STON2: variants seen among roughly 807,000 people sequenced by gnomAD.
STON2 encodes stonin-2.
A neutral mutation model predicts 65.7 loss-of-function variants in STON2; 29 were observed. The observed-to-expected ratio is 0.44, with a 90% CI of 0.33 to 0.60. The LOEUF is 0.60. Ranked by LOEUF, STON2 falls within the 20% of genes least tolerant of loss-of-function variation. STON2 has a pLI of 0.03. For missense variants in STON2, 1,054 were observed against 1,118.1 expected (o/e 0.94, Z 0.82); for synonymous variants, 404 against 414.2 (o/e 0.98, Z 0.30).
intron 4 of STON2, among the ~76,000 whole-genome samples, chr14:81,365,705 G>A (rs181102267): frequency 4.6e-5 from 7 of 152,234 alleles, no homozygotes; most frequent in East Asian, 1.9e-4. Flanking sequence ...GCAGTGAGCC[G>A]AGACCATGCC....
intron 4 of STON2, among the ~76,000 whole-genome samples, chr14:81,327,323 AT>A (rs1292244283): frequency 6.6e-6 from 1 of 151,610 alleles, no homozygotes; most frequent in Admixed American, 6.6e-5. Flanking sequence ...TTCCATCTTT[AT>A]TTTTCTTCCT....
At chr14:81,423,264 T>C (rs1285422248) in intron 2 of STON2, among the ~76,000 whole-genome samples, 3 of 152,156 alleles carry the variant, frequency 2.0e-5, no homozygotes, top group South Asian at 2.1e-4. Context: ...AACTGGTTCT[T>C]AGCCTTTAAA....
At position 81,276,923 on chromosome 14, in the gene STON2, G is replaced by T; in HGVS notation, c.2559C>A (p.Asn853Lys). The T allele has an allele frequency of 6.2e-7, 1 of 1,612,212 alleles. No homozygotes were observed. Among genetic ancestry groups the T allele is most frequent in the Non-Finnish European group, 8.5e-7 (1 of 1,178,480 alleles). Residue 853 changes from asparagine to lysine, a missense_variant, in exon 6 of 8, where the codon AAC (asparagine) becomes AAA (lysine). Coordinates refer to ENST00000614646, the MANE Select transcript of STON2 (RefSeq NM_001394390.1). Reference protein sequence around the residue: ...HAFNSIVWRINRLPDKNSASG... With the variant: ...HAFNSIVWRIKRLPDKNSASG... ...CACCTGAGTTTTTGTCCGGCAGTCG[G>T]TTTATCCTCCACACAATGGAGTTGA...
At chr14:81,393,625 T>C (rs1900181749) in intron 3 of STON2, among the ~76,000 whole-genome samples, 1 of 152,282 alleles carries the variant, frequency 6.6e-6, no homozygotes, top group African/African-American at 2.4e-5. Context: ...CCTCATACAA[T>C]TGTTGTAAGG....
chr14:81,426,652 T>G (rs1901988799), intron 2 of STON2, among the ~76,000 whole-genome samples: 1 of 152,210 alleles, frequency 6.6e-6, no homozygotes, highest in African/African-American at 2.4e-5. Flanking sequence ...GATGGCACTC[T>G]ACCCCTCCAG....
intron 2 of STON2, among the ~76,000 whole-genome samples, chr14:81,415,014 C>T (rs915655026): frequency 6.6e-6 from 1 of 151,980 alleles, no homozygotes; most frequent in Non-Finnish European, 1.5e-5. Context: ...AAGTCAGGTG[C>T]TTTGGAGACT....
At chr14:81,408,540 T>G (rs1900989332) in intron 2 of STON2, among the ~76,000 whole-genome samples, 1 of 152,258 alleles carries the variant, frequency 6.6e-6, no homozygotes, top group Admixed American at 6.5e-5. Context: ...AAAGTCATAT[T>G]ACTTGTGTGT....
rs1894542934 is a variant in STON2 at position 81,270,692 on chromosome 14, T to A, written c.2762A>T (p.Tyr921Phe). 6.2e-7 allele frequency: 1 copy of A among 1,614,042 alleles called. No individual in the cohort carries two copies. The highest frequency in any genetic ancestry group is 8.5e-7 in the Non-Finnish European group (1 of 1,180,048). ...TACCTGGTAGCTGTAGTGTGCAGAA[T>A]AATTGACCCACTTCCTGACGTCAGT... ...DKTDVRKWVN[Y>F]SAHYSYQVEI... Residue 921 changes from tyrosine (Y) to phenylalanine (F), a missense_variant, in exon 7 of 8, where the codon TAT (tyrosine) becomes TTT (phenylalanine). Coordinates refer to ENST00000614646, the MANE Select transcript of STON2 (RefSeq NM_001394390.1).
At position 81,371,092 on chromosome 14, in the gene STON2, G is replaced by C; in HGVS notation, c.467C>G (p.Ser156Cys). 6.2e-7 allele frequency: 1 copy of C among 1,614,142 alleles called. No homozygotes were observed. Among genetic ancestry groups the C allele is most frequent in the South Asian group, 1.1e-5 (1 of 91,080 alleles). The part of the protein sequence containing the change: ...LTSESSWTTH[S>C]EDTSSPSFGC... ...AAAGCTAGGACTGCTGGTGTCTTCA[G>C]AATGGGTGGTCCAGCTGCTCTCAGA... The change falls in exon 4 of 8, where the codon TCT becomes TGT. Residue 156 changes from serine to cysteine, a missense_variant. By Grantham distance (112) the Ser-to-Cys change is moderately radical. Transcript: ENST00000614646.
chr14:81,373,971 C>T (rs756422), intron 3 of STON2, among the ~76,000 whole-genome samples: 38 of 124,608 alleles, frequency 3.0e-4, no homozygotes, highest in African/African-American at 1.1e-3. Context: ...CCTCATGTAT[C>T]TAGGAAAAGC....
At chr14:81,279,382 T>C (rs1031538755) in intron 5 of STON2, among the ~76,000 whole-genome samples, 1 of 152,068 alleles carries the variant, frequency 6.6e-6, no homozygotes, top group Non-Finnish European at 1.5e-5. Context: ...GTGAAAAATA[T>C]CGAATCTCAC....
Position 81,405,460 on chromosome 14 carries a change from G to GTTTTTTTTTT in STON2, c.-198-6890_-198-6881dup, listed in dbSNP as rs376505307. ...AGACCATTTGGGATTAGTTACTATT[G>GTTTTTTTTTT]TTTTTTTTTTTTTTTTGCTTGACTA... On this transcript the variant is annotated intron_variant, in intron 2 of 8. Coordinates refer to the STON2 transcript ENST00000553821. 7.0e-3 allele frequency among the ~76,000 whole-genome samples: 443 copies of GTTTTTTTTTT among 63,228 alleles called. 13 individuals carry two copies. The highest frequency in any genetic ancestry group is 0.021 in the African/African-American group (415 of 19,498). The allele number at this position is 63,228 out of a possible 152,430, so 41.5% of individuals were successfully genotyped here.
chr14:81,265,629 G>T lies in STON2; in HGVS notation c.*2785C>A. Reference sequence around the variant, plus strand: ...CATTGCACTCCAGCCTGGGCGACAAGAGCGAAACTTTGTCTCAGTAATAAT... The same window carrying T: ...CATTGCACTCCAGCCTGGGCGACAATAGCGAAACTTTGTCTCAGTAATAAT... On this transcript the variant is annotated 3_prime_UTR_variant, in exon 8 of 8. Coordinates refer to ENST00000614646, the MANE Select transcript of STON2 (RefSeq NM_001394390.1). 2.6e-6 allele frequency: 1 copy of T among 387,590 alleles called. No individual in the cohort carries two copies. Among genetic ancestry groups the T allele is most frequent in the Non-Finnish European group, 3.5e-6 (1 of 289,636 alleles). 24.0% of individuals were successfully genotyped at this position (387,590 alleles called of 1,614,324 possible). A position where few individuals can be genotyped will look rare whatever the true frequency, so the allele number is the denominator to read the frequency against.
At chr14:81,346,854 C>T (rs537048714) in intron 4 of STON2, among the ~76,000 whole-genome samples, 9 of 152,052 alleles carry the variant, frequency 5.9e-5, no homozygotes, top group South Asian at 2.1e-4. Flanking sequence ...AAGAACGAAA[C>T]GAAAACATTT....
intron 4 of STON2, among the ~76,000 whole-genome samples, chr14:81,352,692 T>C (rs189818084): frequency 6.6e-6 from 1 of 152,178 alleles, no homozygotes; most frequent in Non-Finnish European, 1.5e-5. Flanking sequence ...AGAAGGATCA[T>C]AACACTAAAA....
chr14:81,318,478 GTATTTTAATGGCTC>G (rs1896706199), intron 5 of STON2, among the ~76,000 whole-genome samples: 1 of 152,200 alleles, frequency 6.6e-6, no homozygotes, highest in Non-Finnish European at 1.5e-5. Context: ...CTGGGGAAGA[GTATTTTAATGGCTC>G]TATTTCTTCA....
intron 1 of STON2, among the ~76,000 whole-genome samples, chr14:81,430,579 A>T (rs1902188686): frequency 6.6e-6 from 1 of 152,204 alleles, no homozygotes; most frequent in Non-Finnish European, 1.5e-5. Context: ...AAGGTTGTAC[A>T]CTATGAATGA....
At chr14:81,368,791 C>T (rs890180279) in intron 4 of STON2, among the ~76,000 whole-genome samples, 2 of 152,208 alleles carry the variant, frequency 1.3e-5, no homozygotes, top group South Asian at 4.1e-4. Context: ...GAAACTGCCT[C>T]TTGTTGAATA....
At chr14:81,283,524 T>C (rs1895207932) in intron 5 of STON2, among the ~76,000 whole-genome samples, 2 of 141,232 alleles carry the variant, frequency 1.4e-5, no homozygotes, top group Admixed American at 1.6e-4. Flanking sequence ...ACTTTACAGA[T>C]ACTGCATTTT....
Sources: allele counts gnomAD v4.1 joint callset (sites outside exome capture counted in the v4.1 genomes callset), GRCh38; gene constraint gnomAD v4.1.1; transcripts MANE v1.5; gene names NCBI Gene and HGNC (gene_info 2026-07-23, HGNC 2026-07-21).